CCSER1: variants seen among roughly 807,000 people sequenced by gnomAD.
CCSER1 encodes coiled-coil serine rich protein 1.
CCSER1 carries 41 observed loss-of-function variants against 82.0 expected under a neutral mutation model. The ratio of observed to expected loss-of-function variants is 0.50; its 90% confidence interval spans 0.39 to 0.65. The LOEUF is 0.65. Ranked by LOEUF, CCSER1 falls within the 30% of genes least tolerant of loss-of-function variation. The pLI, the probability that CCSER1 is intolerant of heterozygous loss-of-function variation, is 0.00. For missense variants in CCSER1, 1,119 were observed against 1,064.2 expected, an observed-to-expected ratio of 1.05 and a Z score of -0.72; for synonymous variants, 414 against 383.9, an observed-to-expected ratio of 1.08 and a Z score of -0.92.
At chr4:90,616,683 T>TCACACACACACACACA in intron 5 of CCSER1, among the ~76,000 whole-genome samples, 1 of 120,374 alleles carries the variant, frequency 8.3e-6, no homozygotes, top group Admixed American at 9.0e-5. Context: ...TGGCTCTGTC[T>TCACACACACACACACA]CACACACACA....
chr4:91,556,116 A>G (rs1166370540), intron 10 of CCSER1, among the ~76,000 whole-genome samples: 1 of 151,304 alleles, frequency 6.6e-6, no homozygotes, highest in Non-Finnish European at 1.5e-5. Flanking sequence ...AAAATGTTGT[A>G]TTTGTAGTTA....
chr4:90,634,614 C>G (rs1725095295), intron 6 of CCSER1, among the ~76,000 whole-genome samples: 1 of 151,636 alleles, frequency 6.6e-6, no homozygotes, highest in African/African-American at 2.4e-5. Flanking sequence ...ATTTTCCTAT[C>G]AGCACATCTT....
Position 91,203,807 on chromosome 4 carries a change from TAGTCTAC to T in CCSER1, c.2217+117817_2217+117823del, listed in dbSNP as rs1256628384. Among the ~76,000 whole-genome samples, 3 of 151,834 alleles carry T rather than the reference TAGTCTAC, an allele frequency of 2.0e-5. No homozygotes were observed. The East Asian group carries it at 5.8e-4, about 29-fold the overall frequency. Reference sequence around the variant, plus strand: ...TCTGAAGAATCAATACTAGTTTCTATAGTCTACAGTGTTTTGACCATACTGATTACTG... The same window carrying T: ...TCTGAAGAATCAATACTAGTTTCTATAGTGTTTTGACCATACTGATTACTG... On this transcript the variant is annotated intron_variant, in intron 10 of 10. Coordinates refer to ENST00000509176, the MANE Select transcript of CCSER1 (RefSeq NM_001145065.2).
intron 10 of CCSER1, among the ~76,000 whole-genome samples, chr4:91,330,228 A>AT (rs1459856427): frequency 6.6e-6 from 1 of 152,150 alleles, no homozygotes; most frequent in African/African-American, 2.4e-5. Flanking sequence ...AATACATTTA[A>AT]TTTTTTCTCT....
chr4:90,394,742 A>C (rs138195887), intron 3 of CCSER1, among the ~76,000 whole-genome samples: 1,541 of 152,178 alleles, frequency 0.01, 16 homozygotes, highest in South Asian at 0.03. Context: ...AATGTTATTT[A>C]TTTTATACAT....
At chr4:90,483,903 A>G (rs191245448) in intron 5 of CCSER1, among the ~76,000 whole-genome samples, 3 of 152,282 alleles carry the variant, frequency 2.0e-5, no homozygotes, top group African/African-American at 7.2e-5. Flanking sequence ...GTATTCACTG[A>G]ATGTGAATGT....
intron 5 of CCSER1, among the ~76,000 whole-genome samples, chr4:90,581,660 T>A (rs1017451857): frequency 6.6e-6 from 1 of 152,298 alleles, no homozygotes; most frequent in South Asian, 2.1e-4. Context: ...ATATGGGTTC[T>A]ATGTCTGCCT....
intron 10 of CCSER1, among the ~76,000 whole-genome samples, chr4:91,466,303 G>A (rs921417432): frequency 1.3e-5 from 2 of 152,002 alleles, no homozygotes; most frequent in Non-Finnish European, 1.5e-5. Flanking sequence ...AAATTCAACA[G>A]CCCTTCATGC....
At chr4:91,440,983 T>C (rs1388781208) in intron 10 of CCSER1, among the ~76,000 whole-genome samples, 3 of 151,752 alleles carry the variant, frequency 2.0e-5, no homozygotes, top group Non-Finnish European at 2.9e-5. Context: ...AATCAATAGC[T>C]TACCAACCAA....
intron 10 of CCSER1, among the ~76,000 whole-genome samples, chr4:91,403,572 G>A (rs143687749): frequency 0.023 from 3,452 of 152,092 alleles, 109 homozygotes; most frequent in African/African-American, 0.077. Flanking sequence ...ACGTCCCATC[G>A]ATACCTAATT....
chr4:90,147,775 A>G (rs1578188387), intron 1 of CCSER1, among the ~76,000 whole-genome samples: 1 of 151,922 alleles, frequency 6.6e-6, no homozygotes, highest in Admixed American at 6.6e-5. Context: ...TGTGCCCTTA[A>G]AAAAAAAGTA....
At chr4:90,854,894 A>G (rs1251141064) in intron 8 of CCSER1, among the ~76,000 whole-genome samples, 1 of 152,144 alleles carries the variant, frequency 6.6e-6, no homozygotes, top group African/African-American at 2.4e-5. Context: ...CACTGGCTCT[A>G]CAGAAAGTAT....
rs988585935 is a variant in CCSER1 at position 91,222,228 on chromosome 4, G to A, written c.2217+136234G>A. 4.0e-5 allele frequency among the ~76,000 whole-genome samples: 6 copies of A among 151,198 alleles called. No homozygotes were observed. The East Asian group carries it at 1.2e-3, about 30-fold the overall frequency. ...AAGCAGAAGGAGGCAGCATATGCAG[G>A]AAGGTGAGCACAGCCGAGAGAGGCG... is the stretch of plus-strand genomic sequence containing the variant. On this transcript the variant is annotated intron_variant, in intron 10 of 10. Coordinates refer to ENST00000509176, the MANE Select transcript of CCSER1 (RefSeq NM_001145065.2).
intron 5 of CCSER1, among the ~76,000 whole-genome samples, chr4:90,535,319 T>C (rs2153632814): frequency 6.6e-6 from 1 of 152,260 alleles, no homozygotes; most frequent in South Asian, 2.1e-4. Flanking sequence ...GCACAGTGGT[T>C]CACGCCTGTA....
intron 10 of CCSER1, among the ~76,000 whole-genome samples, chr4:91,425,873 A>G (rs910150534): frequency 6.6e-6 from 1 of 152,202 alleles, no homozygotes; most frequent in Non-Finnish European, 1.5e-5. Flanking sequence ...GATAGATCTT[A>G]TGTTCAGGGT....
At chr4:91,002,704 T>C (rs1738145397) in intron 9 of CCSER1, among the ~76,000 whole-genome samples, 1 of 152,216 alleles carries the variant, frequency 6.6e-6, no homozygotes, top group Non-Finnish European at 1.5e-5. Flanking sequence ...CTCTGATGCC[T>C]TCCTGATTAA....
chr4:90,320,978 T>C (rs1312568463), intron 3 of CCSER1, among the ~76,000 whole-genome samples: 5 of 152,124 alleles, frequency 3.3e-5, no homozygotes, highest in African/African-American at 1.2e-4. Flanking sequence ...GATATTTTGA[T>C]ACAGGAATGC....
At chr4:90,131,555 C>T (rs1339240458) in intron 1 of CCSER1, among the ~76,000 whole-genome samples, 1 of 152,068 alleles carries the variant, frequency 6.6e-6, no homozygotes, top group Non-Finnish European at 1.5e-5. Flanking sequence ...GAATACTCAA[C>T]ATTTTATTCT....
chr4:90,527,567 A>G (rs1489545952), intron 5 of CCSER1, among the ~76,000 whole-genome samples: 2 of 152,178 alleles, frequency 1.3e-5, no homozygotes, highest in South Asian at 2.1e-4. Context: ...AGTTGGGACA[A>G]TGTTTTACCA....
Sources: allele counts gnomAD v4.1 joint callset (sites outside exome capture counted in the v4.1 genomes callset), GRCh38; gene constraint gnomAD v4.1.1; transcripts MANE v1.5; gene names NCBI Gene and HGNC (gene_info 2026-07-23, HGNC 2026-07-21).